DNAJA2: variants seen among roughly 807,000 people sequenced by gnomAD.
The protein encoded by DNAJA2 is DnaJ heat shock protein family (Hsp40) member A2.
DNAJA2 carries 6 observed loss-of-function variants against 49.3 expected under a neutral mutation model. That is an observed-to-expected ratio of 0.12 (90% CI 0.07 to 0.24). The LOEUF (loss-of-function observed/expected upper bound fraction) is 0.24, where lower values mean the gene tolerates loss of function less well. Among genes scored for constraint, DNAJA2 ranks in the 10% least tolerant of loss-of-function variants. The probability of loss-of-function intolerance (pLI) is 1.00; values close to 1 mark genes in which losing one functional copy is unlikely to be tolerated. For missense variants in DNAJA2, 347 were observed against 516.8 expected (o/e 0.67, Z 3.19); for synonymous variants, 160 against 172.7 (o/e 0.93, Z 0.58).
At position 46,971,887 on chromosome 16, in the gene DNAJA2, A is replaced by G. The variant is rs758846607; in HGVS notation, c.138+9T>C. On this transcript the variant is annotated intron_variant, in intron 2 of 8. Transcript: ENST00000317089. ...AACCCCCGGAATAAAAAAGGTGCAA[A>G]TAACTTACTTTGTCTCCTGCATTTG... The G allele has an allele frequency of 1.9e-6, 3 of 1,607,676 alleles. No homozygotes were observed. The African/African-American group carries it at 4.0e-5, about 22-fold the overall frequency.
intron 3 of DNAJA2, among the ~76,000 whole-genome samples, chr16:46,970,025 A>C (rs182464659): frequency 1.3e-5 from 2 of 152,362 alleles, no homozygotes; most frequent in East Asian, 3.9e-4. Flanking sequence ...TTAAGGATTC[A>C]ATGAGACTCA....
At chr16:46,959,582 CTA>C (rs922764464) in intron 6 of DNAJA2, 163 bp from the exon 7 acceptor site, 5 of 595,724 alleles carry the variant, frequency 8.4e-6, no homozygotes, top group Middle Eastern at 9.1e-4. Flanking sequence ...GGAAAGCTAG[CTA>C]TTCCCAAGTA....
At position 46,959,389 on chromosome 16, in the gene DNAJA2, T is replaced by C. The variant is rs746816378; in HGVS notation, c.805A>G (p.Met269Val). The C allele has an allele frequency of 6.2e-7, 1 of 1,612,784 alleles. No individual in the cohort carries two copies. The highest frequency in any genetic ancestry group is 1.7e-5 in the Admixed American group (1 of 59,652). Reference sequence around the variant, plus strand: ...TCAACAAGTCCTATTTTATATGTCATGTGCAAATCATTCCCATCTCTCTGA... The same window carrying C: ...TCAACAAGTCCTATTTTATATGTCACGTGCAAATCATTCCCATCTCTCTGA... ...VFQRDGNDLH[M>V]TYKIGLVEAL... Residue 269 changes from methionine to valine, a missense_variant, in exon 7 of 9, where the codon ATG (methionine) becomes GTG (valine). Met to Val is a conservative substitution (Grantham distance 21, BLOSUM62 1). Coordinates refer to ENST00000317089, the MANE Select transcript of DNAJA2 (RefSeq NM_005880.4).
intron 6 of DNAJA2, among the ~76,000 whole-genome samples, chr16:46,961,699 A>G (rs937722549): frequency 3.9e-4 from 60 of 152,180 alleles, no homozygotes; most frequent in African/African-American, 1.3e-3. Flanking sequence ...TGGTTGTTGC[A>G]GCAGAGCGGG....
chr16:46,959,621 G>C (rs1961866351), intron 6 of DNAJA2: 2 of 520,414 alleles, frequency 3.8e-6, no homozygotes, highest in South Asian at 5.7e-5. Context: ...CATGAGGAAG[G>C]TGTACTGGAA....
chr16:46,967,936 G>A, intron 4 of DNAJA2, 148 bp downstream of exon 4: 1 of 819,982 alleles, frequency 1.2e-6, no homozygotes, highest in Non-Finnish European at 1.9e-6. Flanking sequence ...ACCCGACTCG[G>A]CCTCCCAAAG....
intron 3 of DNAJA2, among the ~76,000 whole-genome samples, 194 bp downstream of exon 3, chr16:46,971,155 G>C (rs1485733525): frequency 6.6e-6 from 1 of 152,090 alleles, no homozygotes; most frequent in Non-Finnish European, 1.5e-5. Flanking sequence ...AATATCGACT[G>C]TCCTTTTAAG....
rs574860013 is a variant in DNAJA2 at position 46,962,243 on chromosome 16, G to A, written c.774+2368C>T. 1.2e-4 allele frequency among the ~76,000 whole-genome samples: 19 copies of A among 152,226 alleles called. No homozygotes were observed. The South Asian group carries it at 3.1e-3, about 25-fold the overall frequency. On this transcript the variant is annotated intron_variant, in intron 6 of 8. Coordinates refer to ENST00000317089, the MANE Select transcript of DNAJA2 (RefSeq NM_005880.4). ...TCCAGGGAAGCCAAAGCTAGTAAAC[G>A]GGGCCCAGACCTTAAGTCCTTTGCC...
rs1268973845 is a variant in DNAJA2, at chr16:46,964,490, C to A, written c.774+121G>T. On this transcript the variant is annotated intron_variant, in intron 6 of 8. Transcript: ENST00000317089. ...CGTCTTAGGAACTCACCATGATGCCCTTAACTTCACCAGTGTTCAGTGTTG... is the reference window on the plus strand; with the variant it reads ...CGTCTTAGGAACTCACCATGATGCCATTAACTTCACCAGTGTTCAGTGTTG... 7 of 927,764 alleles carry A rather than the reference C, an allele frequency of 7.5e-6. No homozygotes were observed. In the Admixed American group the frequency reaches 1.7e-4, roughly 23 times the overall value. 57.5% of individuals were successfully genotyped at this position (927,764 alleles called of 1,614,324 possible).
At chr16:46,973,434 A>C (rs1334574097) in intron 1 of DNAJA2, 61 bp downstream of exon 1, 2 of 1,487,894 alleles carry the variant, frequency 1.3e-6, no homozygotes, top group Non-Finnish European at 1.8e-6. Flanking sequence ...TGGCTGAAGA[A>C]GACATCCCTG....
chr16:46,957,323 G>C, intron 8 of DNAJA2, 103 bp from the exon 9 acceptor site: 5 of 1,117,284 alleles, frequency 4.5e-6, no homozygotes, highest in Non-Finnish European at 6.4e-6. Context: ...AAAAGGGGCT[G>C]GGTGTGGTGG....
chr16:46,967,924 C>G (rs986946348), intron 4 of DNAJA2, among the ~76,000 whole-genome samples, 160 bp downstream of exon 4: 2 of 152,124 alleles, frequency 1.3e-5, no homozygotes, highest in Non-Finnish European at 2.9e-5. Flanking sequence ...CTCAGGTGAT[C>G]CACCCGACTC....
chr16:46,970,730 CAA>C (rs10523905), intron 3 of DNAJA2, among the ~76,000 whole-genome samples: 582 of 32,156 alleles, frequency 0.018, no homozygotes, highest in African/African-American at 0.029. Flanking sequence ...GACTCCATTT[CAA>C]AAAAAAAAAA....
intron 5 of DNAJA2, among the ~76,000 whole-genome samples, chr16:46,966,934 A>G (rs1242721533): frequency 2.6e-5 from 4 of 152,222 alleles, no homozygotes; most frequent in Admixed American, 6.5e-5. Context: ...ATAAAAGGTT[A>G]TATTTGATAA....
At position 46,968,164 on chromosome 16, in the gene DNAJA2, T is replaced by G; in HGVS notation, c.363A>C (p.Lys121Asn). 6.3e-7 allele frequency: 1 copy of G among 1,585,724 alleles called. No homozygotes were observed. The highest frequency in any genetic ancestry group is 8.5e-7 in the Non-Finnish European group (1 of 1,170,168). ...CATTATACAGATCTTCTAAAGATAC[T>G]CTGGAAAGAAAAGAATCGGCTTCAA... ...RRGEDMMHPL[K>N]VSLEDLYNGK... is the part of the protein sequence containing the mutation. The change falls in exon 4 of 9, where the codon AAA (lysine) becomes AAC (asparagine). Residue 121 changes from lysine (K) to asparagine (N), a missense_variant and splice_region_variant. By Grantham distance (94) the Lys-to-Asn change is moderately conservative. Transcript: ENST00000317089.
intron 1 of DNAJA2, 138 bp from the exon 2 acceptor site, chr16:46,972,093 T>G: frequency 1.5e-6 from 1 of 664,710 alleles, no homozygotes; most frequent in Non-Finnish European, 2.6e-6. Flanking sequence ...TCGTAGGGAT[T>G]CTTCGGCACT....
chr16:46,967,634 C>T lies in DNAJA2; in HGVS notation c.456G>A (p.Lys152=). ...LCSACSGQGG[K]SGAVQKCSAC... Reference sequence around the variant, plus strand: ...CACTACACTTTTGGACAGCTCCAGACTTTCCGCCTTGGCTAAAGCAAGCAC... The same window carrying T: ...CACTACACTTTTGGACAGCTCCAGATTTTCCGCCTTGGCTAAAGCAAGCAC... Residue 152 remains lysine, a synonymous_variant, in exon 5 of 9, where the codon AAG becomes AAA. Transcript: ENST00000317089. 1 of 1,614,208 alleles carries T rather than the reference C, an allele frequency of 6.2e-7. No individual in the cohort carries two copies. The highest frequency in any genetic ancestry group is 8.5e-7 in the Non-Finnish European group (1 of 1,180,042).
At position 46,956,947 on chromosome 16, in the gene DNAJA2, A is replaced by C. The variant is rs114487971; in HGVS notation, c.*82T>G. The C allele has an allele frequency of 3.8e-3, 5,655 of 1,477,488 alleles. 153 individuals carry two copies. In the African/African-American group the frequency reaches 0.062, roughly 16 times the overall value. 91.5% of individuals were successfully genotyped at this position (1,477,488 alleles called of 1,614,324 possible). A position where few individuals can be genotyped will look rare whatever the true frequency, so the allele number is the denominator to read the frequency against. On this transcript the variant is annotated 3_prime_UTR_variant, in exon 9 of 9. Transcript: ENST00000317089. The stretch of plus-strand genomic sequence containing the variant: ...GATGTCCCTCAGTTCATCTGGATTG[A>C]TAAGACACTCCAGCTGGATTGCTGA...
rs1347123564 is a variant in DNAJA2 at position 46,973,645 on chromosome 16, T to TCGG, written c.-76_-74dup. 6.0e-6 allele frequency: 9 copies of TCGG among 1,505,846 alleles called. No individual in the cohort carries two copies. The highest frequency in any genetic ancestry group is 5.1e-5 in the East Asian group (2 of 39,056). The allele number at this position is 1,505,846 out of a possible 1,614,324, so 93.3% of individuals were successfully genotyped here. A position where few individuals can be genotyped will look rare whatever the true frequency, so the allele number is the denominator to read the frequency against. On this transcript the variant is annotated 5_prime_UTR_variant, in exon 1 of 9. Transcript: ENST00000317089. ...AGCGGAGTCGGGCCCACAAGCGGCG[T>TCGG]CGGCGGCGGCACAGGCCGAGGGAGA...
Sources: gnomAD v4.1 joint callset for allele counts (sites outside exome capture counted in the v4.1 genomes callset) on GRCh38, gnomAD v4.1.1 for gene constraint, MANE v1.5 for transcripts, NCBI Gene and HGNC (gene_info 2026-07-23, HGNC 2026-07-21) for gene names.